The following SPIDR variants were observed in gnomAD, a reference collection of about 807,000 sequenced individuals.
SPIDR encodes the protein DNA repair-scaffolding protein.
SPIDR carries 93 observed loss-of-function variants against 104.6 expected under a neutral mutation model. That is an observed-to-expected ratio of 0.89 (90% CI 0.75 to 1.06). SPIDR has a LOEUF of 1.06. Ranked by LOEUF, SPIDR falls within the 50% of genes least tolerant of loss-of-function variation. The pLI is 0.00. For synonymous variants in SPIDR, 431 were observed against 416.9 expected (o/e 1.03, Z -0.41); for missense variants, 1,154 against 1,111.2 (o/e 1.04, Z -0.55).
intron 8 of SPIDR, among the ~76,000 whole-genome samples, chr8:47,495,379 C>T (rs536454888): frequency 1.3e-5 from 2 of 149,946 alleles, no homozygotes; most frequent in Non-Finnish European, 3.0e-5. Context: ...TGCTTTACCC[C>T]CTCCCACCCA....
chr8:47,632,753 GT>G (rs974864498), intron 10 of SPIDR, among the ~76,000 whole-genome samples: 1 of 151,898 alleles, frequency 6.6e-6, no homozygotes, highest in African/African-American at 2.4e-5. Context: ...TTTGTTTTTT[GT>G]TTTTTTGAGG....
chr8:47,568,023 C>T (rs1484153153), intron 8 of SPIDR, among the ~76,000 whole-genome samples: 1 of 152,046 alleles, frequency 6.6e-6, no homozygotes, highest in African/African-American at 2.4e-5. Context: ...GCAAACCTCC[C>T]CGCCAGCCTC....
intron 8 of SPIDR, among the ~76,000 whole-genome samples, chr8:47,508,073 G>A (rs2081748423): frequency 6.6e-6 from 1 of 152,222 alleles, no homozygotes; most frequent in Non-Finnish European, 1.5e-5. Context: ...CTGGAGGAAT[G>A]TGTTCTCTGC....
chr8:47,361,421 G>T, intron 5 of SPIDR, among the ~76,000 whole-genome samples: 1 of 152,210 alleles, frequency 6.6e-6, no homozygotes, highest in East Asian at 1.9e-4. Flanking sequence ...CATCCCACTT[G>T]TGAATTGGGC....
rs1424059907 is a variant in SPIDR, at chr8:47,313,272, C to G, written c.525+19242C>G. Among the ~76,000 whole-genome samples the G allele has an allele frequency of 8.5e-5, 13 of 152,206 alleles. No individual in the cohort carries two copies. In the South Asian group the frequency reaches 1.0e-3, roughly 12 times the overall value. ...AGCATTCTTCTAGACCAATAACAGA[C>G]AAACAGAGAGCCAAATCATGAGTGA... On this transcript the variant is annotated intron_variant, in intron 5 of 19. Transcript: ENST00000297423.
rs554546502 is a variant in SPIDR, at chr8:47,430,799, A to G, written c.878-9524A>G. ...TTGTCATTAGCCATATGACCTTTTA[A>G]AAGTTGTTTTCAGTGTGATTACTGG... On this transcript the variant is annotated intron_variant, in intron 7 of 19. Coordinates refer to ENST00000297423, the MANE Select transcript of SPIDR (RefSeq NM_001080394.4). Among the ~76,000 whole-genome samples the G allele has an allele frequency of 2.6e-5, 4 of 152,326 alleles. No individual in the cohort carries two copies. The South Asian group carries it at 8.3e-4, about 32-fold the overall frequency.
In SPIDR at chr8:47,573,982, C is replaced by T. The variant is rs532636386; in HGVS notation, c.1098-21829C>T. Reference sequence around the variant, plus strand: ...AACAGACTTTTAATCCAAGAATGTTCCTACTGCTTTAAGAATTCAAAGCAT... The same window carrying T: ...AACAGACTTTTAATCCAAGAATGTTTCTACTGCTTTAAGAATTCAAAGCAT... On this transcript the variant is annotated intron_variant, in intron 8 of 19. Coordinates refer to ENST00000297423, the MANE Select transcript of SPIDR (RefSeq NM_001080394.4). Among the ~76,000 whole-genome samples, 10 of 152,316 alleles carry T rather than the reference C, an allele frequency of 6.6e-5. No homozygotes were observed. In the East Asian group the frequency reaches 1.4e-3, roughly 21 times the overall value.
At chr8:47,721,182 C>G (rs1038160374) in intron 16 of SPIDR, among the ~76,000 whole-genome samples, 2 of 152,188 alleles carry the variant, frequency 1.3e-5, no homozygotes, top group African/African-American at 4.8e-5. Flanking sequence ...TTGTAAAACC[C>G]ATGATCATCT....
intron 3 of SPIDR, among the ~76,000 whole-genome samples, chr8:47,284,765 T>A (rs2038489581): frequency 6.6e-6 from 1 of 152,232 alleles, no homozygotes; most frequent in African/African-American, 2.4e-5. Context: ...CGCTTCCCAG[T>A]ACCTCTACCT....
intron 8 of SPIDR, among the ~76,000 whole-genome samples, chr8:47,541,014 C>T (rs1350923461): frequency 6.6e-6 from 1 of 152,128 alleles, no homozygotes; most frequent in African/African-American, 2.4e-5. Flanking sequence ...TGTCTACCAT[C>T]ACACCTGGCT....
intron 10 of SPIDR, among the ~76,000 whole-genome samples, chr8:47,668,198 T>C (rs990079354): frequency 2.0e-5 from 3 of 152,170 alleles, no homozygotes; most frequent in Non-Finnish European, 4.4e-5. Context: ...GGTAATCAAC[T>C]TGTTCTGTGA....
chr8:47,503,153 C>T (rs185028500), intron 8 of SPIDR, among the ~76,000 whole-genome samples: 83 of 152,250 alleles, frequency 5.5e-4, no homozygotes, highest in African/African-American at 1.8e-3. Flanking sequence ...CCTATTAGTT[C>T]CGCTTGGTGC....
chr8:47,395,179 T>A (rs536109633), intron 5 of SPIDR, among the ~76,000 whole-genome samples: 8 of 152,136 alleles, frequency 5.3e-5, no homozygotes, highest in Admixed American at 2.0e-4. Flanking sequence ...TGAAACCCCG[T>A]CTCTACTAAA....
At chr8:47,592,610 T>A (rs757999379) in intron 8 of SPIDR, 2 of 1,185,592 alleles carry the variant, frequency 1.7e-6, no homozygotes, top group Non-Finnish European at 2.5e-6. Context: ...CCCTGCCATC[T>A]TATCAGAACC....
At chr8:47,633,331 A>G (rs1018005376) in intron 10 of SPIDR, among the ~76,000 whole-genome samples, 1 of 152,088 alleles carries the variant, frequency 6.6e-6, no homozygotes, top group East Asian at 1.9e-4. Flanking sequence ...AAGACAAGGA[A>G]GTGTTTCCTT....
chr8:47,635,475 C>A (rs1193978691), intron 10 of SPIDR, among the ~76,000 whole-genome samples: 1 of 152,104 alleles, frequency 6.6e-6, no homozygotes, highest in African/African-American at 2.4e-5. Flanking sequence ...ATCTCTTGTA[C>A]CCCCATAAAT....
intron 8 of SPIDR, among the ~76,000 whole-genome samples, chr8:47,531,874 A>G (rs1459294158): frequency 6.6e-6 from 1 of 152,148 alleles, no homozygotes; most frequent in African/African-American, 2.4e-5. Flanking sequence ...TTAAGAGAAG[A>G]AAAAAATAGA....
At chr8:47,287,992 A>G (rs2039186767) in intron 3 of SPIDR, among the ~76,000 whole-genome samples, 1 of 152,206 alleles carries the variant, frequency 6.6e-6, no homozygotes. Context: ...AGAACTTGTA[A>G]AAGTATTAAT....
At chr8:47,551,612 T>C (rs1047387264) in intron 8 of SPIDR, among the ~76,000 whole-genome samples, 19 of 152,334 alleles carry the variant, frequency 1.2e-4, no homozygotes, top group Non-Finnish European at 2.4e-4. Context: ...GGATCGGTGG[T>C]GATATCCTTT....
Sources: allele counts gnomAD v4.1 joint callset (sites outside exome capture counted in the v4.1 genomes callset), GRCh38; gene constraint gnomAD v4.1.1; transcripts MANE v1.5; gene names NCBI Gene and HGNC (gene_info 2026-07-23, HGNC 2026-07-21).